The following CPLANE1 variants were observed in gnomAD, a reference collection of about 807,000 sequenced individuals.
The protein encoded by CPLANE1 is ciliogenesis and planar polarity effector 1.
A neutral mutation model predicts 362.5 loss-of-function variants in CPLANE1; 263 were observed. The ratio of observed to expected loss-of-function variants is 0.73; its 90% confidence interval spans 0.66 to 0.80. The LOEUF (loss-of-function observed/expected upper bound fraction) is 0.80, where lower values mean the gene tolerates loss of function less well. Ranked by LOEUF, CPLANE1 falls within the 30% of genes least tolerant of loss-of-function variation. CPLANE1 has a pLI of 0.00. For synonymous variants in CPLANE1, 1,212 were observed against 1,302.6 expected (o/e 0.93, Z 1.50); for missense variants, 3,461 against 3,793.4 (o/e 0.91, Z 2.30).
downstream of CPLANE1, among the ~76,000 whole-genome samples, chr5:37,105,101 A>T (rs560831421): frequency 3.3e-5 from 5 of 152,096 alleles, no homozygotes; most frequent in Admixed American, 6.6e-5. Context: ...CAGGAGTTCG[A>T]GATGAGCCTG....
intron 50 of CPLANE1, among the ~76,000 whole-genome samples, chr5:37,117,102 C>G (rs1761232084): frequency 6.6e-6 from 1 of 152,160 alleles, no homozygotes; most frequent in South Asian, 2.1e-4. Flanking sequence ...TGGTATTATT[C>G]TCTGACATGG....
At chr5:37,141,975 G>C (rs1257841897) in intron 44 of CPLANE1, 1 of 595,904 alleles carries the variant, frequency 1.7e-6, no homozygotes, top group South Asian at 7.5e-5. Context: ...CTACTATTTT[G>C]TTTTCAAATT....
intron 46 of CPLANE1, among the ~76,000 whole-genome samples, chr5:37,132,342 T>TTGTG (rs1397101409): frequency 7.4e-6 from 1 of 134,946 alleles, no homozygotes; most frequent in African/African-American, 2.8e-5. Context: ...TTCAAGTTTT[T>TTGTG]TTTTTTTTTT....
intron 48 of CPLANE1, 112 bp downstream of exon 48, chr5:37,122,318 T>C (rs1344979105): frequency 3.6e-6 from 3 of 832,106 alleles, no homozygotes; most frequent in Non-Finnish European, 5.9e-6. Flanking sequence ...CATAATTCTC[T>C]GTTTATTGAC....
the CPLANE1 span, among the ~76,000 whole-genome samples, chr5:37,078,556 ATATATACCCAGCAATGGTATTGCTGGG>A: frequency 6.6e-6 from 1 of 152,112 alleles, no homozygotes; most frequent in East Asian, 1.9e-4. Context: ...ATTCCTTTGG[ATATATACCCAGCAATGGTATTGCTGGG>A]TCAAATGGTA....
chr5:37,190,379 GC>G (rs935373050), intron 21 of CPLANE1, among the ~76,000 whole-genome samples: 1 of 150,168 alleles, frequency 6.7e-6, no homozygotes, highest in African/African-American at 2.5e-5. Flanking sequence ...ACCAGCTTGG[GC>G]AAAAAAGTGA....
chr5:37,167,340 A>G, intron 34 of CPLANE1, 127 bp from the exon 35 acceptor site: 2 of 730,062 alleles, frequency 2.7e-6, no homozygotes, highest in South Asian at 2.0e-5. Flanking sequence ...CAAATCAAAT[A>G]TAACAAATTG....
intron 2 of CPLANE1, among the ~76,000 whole-genome samples, chr5:37,246,905 T>A (rs1031504055): frequency 6.6e-6 from 1 of 151,950 alleles, no homozygotes; most frequent in South Asian, 2.1e-4. Flanking sequence ...AGACTCCATC[T>A]CAAAAAATAA....
chr5:37,105,430 C>T (rs1757519866), downstream of CPLANE1, among the ~76,000 whole-genome samples: 2 of 152,230 alleles, frequency 1.3e-5, no homozygotes, highest in South Asian at 4.1e-4. Flanking sequence ...AAAGGATACT[C>T]TCCTGTTCAA....
In CPLANE1 at chr5:37,120,263, T is replaced by A. The variant is rs547370426; in HGVS notation, c.9263A>T (p.His3088Leu). ...AGGTTGCCCAAAAGACTTCCTCTTA[T>A]GGATATAACTCGGTTTGGACATATA... ...VKYMSKPSYI[H>L]KRKSFGQPQG... The change falls in exon 50 of 53, where the codon CAT becomes CTT. Residue 3088 changes from histidine (H) to leucine (L), a missense_variant. Coordinates refer to ENST00000651892, the MANE Select transcript of CPLANE1 (RefSeq NM_001384732.1). 1 of 1,604,198 alleles carries A rather than the reference T, an allele frequency of 6.2e-7. No homozygotes were observed. Among genetic ancestry groups the A allele is most frequent in the Non-Finnish European group, 8.5e-7 (1 of 1,177,200 alleles).
chr5:37,152,927 G>A (rs1316586762), intron 42 of CPLANE1, among the ~76,000 whole-genome samples: 2 of 151,746 alleles, frequency 1.3e-5, no homozygotes, highest in African/African-American at 4.8e-5. Context: ...AATTTCTAAG[G>A]AACTGATTAC....
rs61739227 is a variant in CPLANE1 at position 37,212,230 on chromosome 5, A to G, written c.2920+1329T>C. The G allele has an allele frequency of 5.1e-3, 7,398 of 1,446,974 alleles. 355 individuals carry two copies. In the African/African-American group the frequency reaches 0.093, roughly 18 times the overall value. 89.6% of individuals were successfully genotyped at this position (1,446,974 alleles called of 1,614,324 possible). A position where few individuals can be genotyped will look rare whatever the true frequency, so the allele number is the denominator to read the frequency against. ...CACAGTGAAAATCCTTTAGAGAAAT[A>G]CATGAAAATCATCCAGCAAGACCAG... On this transcript the variant is annotated intron_variant, in intron 16 of 52. Transcript: ENST00000651892.
At position 37,118,992 on chromosome 5, in the gene CPLANE1, G is replaced by A. The variant is rs965972999; in HGVS notation, c.9310+1224C>T. ...CTCCCAAAGTGCTGGGATTACAGGC[G>A]TGAGCCACCGCGCCGGGCCTATTTT... On this transcript the variant is annotated intron_variant, in intron 50 of 52. Coordinates refer to ENST00000651892, the MANE Select transcript of CPLANE1 (RefSeq NM_001384732.1). Among the ~76,000 whole-genome samples, 15 of 152,196 alleles carry A rather than the reference G, an allele frequency of 9.9e-5. No individual in the cohort carries two copies. In the East Asian group the frequency reaches 2.1e-3, roughly 22 times the overall value.
chr5:37,107,340 T>G lies in CPLANE1; in HGVS notation c.*262A>C. 1 of 1,183,946 alleles carries G rather than the reference T, an allele frequency of 8.4e-7. No individual in the cohort carries two copies. Among genetic ancestry groups the G allele is most frequent in the Middle Eastern group, 3.4e-4 (1 of 2,956 alleles). 73.3% of individuals were successfully genotyped at this position (1,183,946 alleles called of 1,614,324 possible). ...GCAAACTTGGCTTGAAAGGTACTTA[T>G]CATTTTAAAAATTATGCCTAATGAT... On this transcript the variant is annotated 3_prime_UTR_variant, in exon 53 of 53. Transcript: ENST00000651892.
chr5:37,162,951 A>G (rs1777237183), intron 37 of CPLANE1, among the ~76,000 whole-genome samples: 1 of 152,246 alleles, frequency 6.6e-6, no homozygotes. Context: ...AAGTGCTGGG[A>G]TTACAGGCGT....
At chr5:37,110,480 A>C (rs1313113206) in intron 51 of CPLANE1, among the ~76,000 whole-genome samples, 5 of 152,138 alleles carry the variant, frequency 3.3e-5, no homozygotes, top group African/African-American at 7.2e-5. Flanking sequence ...TTTAATTTTT[A>C]ATTTGCTTCA....
At chr5:37,212,071 A>G (rs1792769210) in intron 16 of CPLANE1, 3 of 901,308 alleles carry the variant, frequency 3.3e-6, no homozygotes, top group Non-Finnish European at 5.6e-6. Context: ...AGTAACCTAC[A>G]AGAAATTTTA....
chr5:37,125,207 T>C lies in CPLANE1; in HGVS notation c.8958+37A>G, dbSNP rs777294460. 7 of 1,558,954 alleles carry C rather than the reference T, an allele frequency of 4.5e-6. No homozygotes were observed. The Admixed American group carries it at 1.4e-4, about 32-fold the overall frequency. Reference sequence around the variant, plus strand: ...TTTGCCAGGAAAGTAATTACACATATTCTGTAATTCCATTACCCTTGACAT... The same window carrying C: ...TTTGCCAGGAAAGTAATTACACATACTCTGTAATTCCATTACCCTTGACAT... On this transcript the variant is annotated intron_variant, in intron 47 of 52. Transcript: ENST00000651892.
chr5:37,086,167 A>G, the CPLANE1 span, among the ~76,000 whole-genome samples: 1 of 152,222 alleles, frequency 6.6e-6, no homozygotes, highest in Admixed American at 6.5e-5. Flanking sequence ...CAAAGAAACA[A>G]TGGATTTAAA....
Sources: allele counts gnomAD v4.1 joint callset (sites outside exome capture counted in the v4.1 genomes callset), GRCh38; gene constraint gnomAD v4.1.1; transcripts MANE v1.5; gene names NCBI Gene and HGNC (gene_info 2026-07-23, HGNC 2026-07-21).